The following PALM2AKAP2 variants were observed in gnomAD, a reference collection of about 807,000 sequenced individuals.
PALM2AKAP2 encodes PALM2-AKAP2 fusion protein.
A neutral mutation model predicts 71.5 loss-of-function variants in PALM2AKAP2; 37 were observed. The ratio of observed to expected loss-of-function variants is 0.52; its 90% CI spans 0.40 to 0.68. The LOEUF is 0.68. Among genes scored for constraint, PALM2AKAP2 ranks in the 30% least tolerant of loss-of-function variants. The pLI, the probability that PALM2AKAP2 is intolerant of heterozygous loss-of-function variation, is 0.00. For missense variants in PALM2AKAP2, 1,224 were observed against 1,191.8 expected, an observed-to-expected ratio of 1.03 and a Z score of -0.40; for synonymous variants, 468 against 478.8, an observed-to-expected ratio of 0.98 and a Z score of 0.29.
At chr9:109,908,361 A>G (rs1017910417) in intron 3 of PALM2AKAP2, among the ~76,000 whole-genome samples, 5 of 152,212 alleles carry the variant, frequency 3.3e-5, no homozygotes, top group African/African-American at 1.2e-4. Context: ...GCTCTTAGGC[A>G]GGACACACTG....
chr9:109,821,494 T>A (rs1229204767), intron 1 of PALM2AKAP2, among the ~76,000 whole-genome samples: 1 of 152,096 alleles, frequency 6.6e-6, no homozygotes, highest in Non-Finnish European at 1.5e-5. Context: ...TCCCTCAGAG[T>A]CCATGGTGTA....
chr9:109,857,601 G>GTGGA (rs1232043847), intron 1 of PALM2AKAP2, among the ~76,000 whole-genome samples: 1 of 152,184 alleles, frequency 6.6e-6, no homozygotes, highest in East Asian at 1.9e-4. Context: ...TGTGTCCAGA[G>GTGGA]TGGAATTCAC....
At chr9:109,680,283 C>T (rs1206329857) in intron 1 of PALM2AKAP2, among the ~76,000 whole-genome samples, 1 of 152,200 alleles carries the variant, frequency 6.6e-6, no homozygotes, top group African/African-American at 2.4e-5. Context: ...CCCAGAGATA[C>T]GTACAGATGG....
chr9:110,123,715 G>A (rs563724014), intron 1 of PALM2AKAP2, among the ~76,000 whole-genome samples: 1 of 152,348 alleles, frequency 6.6e-6, no homozygotes, highest in East Asian at 1.9e-4. Context: ...TGTCTCTTGT[G>A]AATAGGGCAG....
chr9:110,168,566 AG>A, exon 4 of PALM2AKAP2: 1 of 1,564,082 alleles, frequency 6.4e-7, no homozygotes, highest in Non-Finnish European at 8.7e-7. Context: ...AACAACTGAA[AG>A]CATTTTAATG....
Position 109,985,132 on chromosome 9 carries a change from C to T in PALM2AKAP2, c.497-30822C>T, listed in dbSNP as rs150605934. Among the ~76,000 whole-genome samples the T allele has an allele frequency of 2.1e-3, 313 of 151,836 alleles. 3 individuals are homozygous for T. The East Asian group carries it at 0.022, about 11-fold the overall frequency. ...CAGAGGTTGCAGTGAGCCAAGATCA[C>T]GCCATTGCACTCCAGCCTGGGTGAC... On this transcript the variant is annotated intron_variant, in intron 6 of 9. Coordinates refer to the PALM2AKAP2 transcript ENST00000302798.
intron 1 of PALM2AKAP2, among the ~76,000 whole-genome samples, chr9:109,688,673 C>T (rs1423507443): frequency 6.6e-6 from 1 of 152,224 alleles, no homozygotes; most frequent in Non-Finnish European, 1.5e-5. Context: ...TTAATTTTGA[C>T]CTCCCTGAAA....
At chr9:110,048,142 C>A (rs1833632910), upstream of PALM2AKAP2, among the ~76,000 whole-genome samples, 1 of 152,194 alleles carries the variant, frequency 6.6e-6, no homozygotes, top group Non-Finnish European at 1.5e-5. Context: ...ATTACTGCCA[C>A]AAAGACGCAC....
intron 1 of PALM2AKAP2, among the ~76,000 whole-genome samples, chr9:109,745,211 G>T (rs912860648): frequency 6.6e-5 from 10 of 152,142 alleles, no homozygotes; most frequent in African/African-American, 2.4e-4. Context: ...TCGTAGCCGG[G>T]CATGGTGGCA....
chr9:110,138,147 G>C, exon 2 of PALM2AKAP2: 1 of 1,613,906 alleles, frequency 6.2e-7, no homozygotes, highest in Non-Finnish European at 8.5e-7. Context: ...CAAGAGAAAA[G>C]GGATGTATTA....
At chr9:109,865,188 C>T (rs1286018703) in intron 1 of PALM2AKAP2, among the ~76,000 whole-genome samples, 1 of 145,968 alleles carries the variant, frequency 6.9e-6, no homozygotes, top group Non-Finnish European at 1.5e-5. Context: ...AACCTCTACC[C>T]ACTGGGTTCA....
intron 1 of PALM2AKAP2, among the ~76,000 whole-genome samples, chr9:110,131,406 T>C (rs994885412): frequency 1.3e-5 from 2 of 152,248 alleles, no homozygotes; most frequent in African/African-American, 4.8e-5. Flanking sequence ...AAAAGGACTT[T>C]CCTGGTGATT....
chr9:110,118,468 A>G (rs907555477), intron 1 of PALM2AKAP2, among the ~76,000 whole-genome samples: 1 of 151,908 alleles, frequency 6.6e-6, no homozygotes, highest in East Asian at 1.9e-4. Context: ...GGCTGGTCTC[A>G]AGCTCCTGTC....
At chr9:109,788,725 A>G (rs1008532870) in intron 1 of PALM2AKAP2, among the ~76,000 whole-genome samples, 2 of 152,238 alleles carry the variant, frequency 1.3e-5, no homozygotes, top group Non-Finnish European at 2.9e-5. Flanking sequence ...GTGAAATAGA[A>G]TAAAAGGCCA....
At chr9:109,798,540 A>C (rs1338508326) in intron 1 of PALM2AKAP2, among the ~76,000 whole-genome samples, 1 of 152,232 alleles carries the variant, frequency 6.6e-6, no homozygotes, top group Non-Finnish European at 1.5e-5. Flanking sequence ...CAGGAAAGGC[A>C]TAGAACCACA....
intron 3 of PALM2AKAP2, among the ~76,000 whole-genome samples, chr9:110,158,722 G>T (rs1001010695): frequency 6.6e-6 from 1 of 152,184 alleles, no homozygotes; most frequent in African/African-American, 2.4e-5. Flanking sequence ...AAAAGAAAGA[G>T]ACCTAACTAA....
chr9:110,103,241 AT>A (rs1564306668), intron 1 of PALM2AKAP2, among the ~76,000 whole-genome samples: 1 of 152,216 alleles, frequency 6.6e-6, no homozygotes, highest in Non-Finnish European at 1.5e-5. Flanking sequence ...GGGCAGCTCT[AT>A]GCCTAGTCTC....
At chr9:110,141,780 T>C (rs1365387714) in intron 2 of PALM2AKAP2, among the ~76,000 whole-genome samples, 2 of 152,228 alleles carry the variant, frequency 1.3e-5, no homozygotes, top group African/African-American at 4.8e-5. Context: ...TTAACTTCTC[T>C]GGTAGAAATC....
At position 109,832,950 on chromosome 9, in the gene PALM2AKAP2, G is replaced by T. The variant is rs182910645; in HGVS notation, c.46-34541G>T. Among the ~76,000 whole-genome samples the T allele has an allele frequency of 1.1e-4, 16 of 152,284 alleles. No individual in the cohort carries two copies. In the East Asian group the frequency reaches 1.9e-3, roughly 18 times the overall value. On this transcript the variant is annotated intron_variant, in intron 1 of 9. Transcript: ENST00000302798. ...TACTCTAGGCCTTTGGGCTCCTTTC[G>T]TCCCTGCAGCACCTTCTGTCCTCAA...
Sources: gnomAD v4.1 joint callset for allele counts (sites outside exome capture counted in the v4.1 genomes callset) on GRCh38, gnomAD v4.1.1 for gene constraint, MANE v1.5 for transcripts, NCBI Gene and HGNC (gene_info 2026-07-23, HGNC 2026-07-21) for gene names.